The following LINC00305 variants were observed in gnomAD, a reference collection of about 807,000 sequenced individuals.
LINC00305 encodes long independently transcribed non-coding RNA 305, also known as long intergenic non-protein coding RNA 305.
chr18:64,142,986 A>G (rs2051471429), intron 1 of LINC00305, among the ~76,000 whole-genome samples: 1 of 152,190 alleles, frequency 6.6e-6, no homozygotes, highest in Non-Finnish European at 1.5e-5. Flanking sequence ...ATTATCATTA[A>G]TGGAAATAAA....
intron 1 of LINC00305, chr18:64,147,277 T>C: frequency 6.6e-6 from 1 of 152,234 alleles, no homozygotes; most frequent in East Asian, 1.9e-4. Flanking sequence ...ATGGGTGTGG[T>C]ATTTTTATGT....
In LINC00305 at chr18:64,115,492, T is replaced by A. The variant is rs192983640; in HGVS notation, n.315-16852A>T. On this transcript the variant is annotated intron_variant and non_coding_transcript_variant, in intron 1 of 3. Coordinates refer to ENST00000666468, the Ensembl canonical transcript of LINC00305. ...TGTGTGGGGAGGCTGCTTATGGGGG[T>A]AAGGTAGGAGGGGGAACGTGAGGGT... Among the ~76,000 whole-genome samples, 139 of 150,834 alleles carry A rather than the reference T, an allele frequency of 9.2e-4. 1 individual carries two copies. The highest frequency in any genetic ancestry group is 3.4e-3 in the African/African-American group (138 of 41,052).
intron 1 of LINC00305, among the ~76,000 whole-genome samples, chr18:64,119,346 A>C (rs2051351714): frequency 6.6e-6 from 1 of 152,164 alleles, no homozygotes; most frequent in Non-Finnish European, 1.5e-5. Flanking sequence ...AAGTGATTAA[A>C]TAGAAATTCT....
At chr18:64,098,103 C>T in intron 2 of LINC00305, 1 of 424,720 alleles carries the variant, frequency 2.4e-6, no homozygotes, top group Admixed American at 2.5e-5. Context: ...GCAAAGTTCT[C>T]TGACCAACAT....
intron 3 of LINC00305, among the ~76,000 whole-genome samples, chr18:64,089,778 G>A (rs376157606): frequency 3.9e-5 from 6 of 152,308 alleles, no homozygotes; most frequent in Admixed American, 2.0e-4. Flanking sequence ...GTCTTATATG[G>A]ATGGCAGCAA....
At chr18:64,100,080 C>T (rs1447818012) in intron 1 of LINC00305, among the ~76,000 whole-genome samples, 1 of 152,006 alleles carries the variant, frequency 6.6e-6, no homozygotes, top group Admixed American at 6.6e-5. Flanking sequence ...ACTTAATATC[C>T]AATTATTTTT....
intron 1 of LINC00305, among the ~76,000 whole-genome samples, chr18:64,126,348 T>TC (rs1242948964): frequency 1.3e-5 from 2 of 152,074 alleles, no homozygotes; most frequent in Admixed American, 6.6e-5. Context: ...GAACATACTT[T>TC]CTTAAAAAAA....
intron 1 of LINC00305, among the ~76,000 whole-genome samples, chr18:64,125,824 T>A (rs1006716719): frequency 6.6e-6 from 1 of 152,110 alleles, no homozygotes; most frequent in African/African-American, 2.4e-5. Flanking sequence ...AATGGATTAA[T>A]GCCATTATCA....
chr18:64,117,052 C>T (rs1233382709), intron 1 of LINC00305, among the ~76,000 whole-genome samples: 3 of 152,186 alleles, frequency 2.0e-5, no homozygotes, highest in African/African-American at 4.8e-5. Context: ...TGATTCGCCT[C>T]AGGCCCCTAG....
intron 1 of LINC00305, among the ~76,000 whole-genome samples, chr18:64,105,370 AG>A (rs2051285683): frequency 6.6e-6 from 1 of 152,130 alleles, no homozygotes; most frequent in Non-Finnish European, 1.5e-5. Context: ...CTGAGGTGGG[AG>A]GATCTCTTGA....
At chr18:64,087,336 C>G (rs1281014979) in intron 3 of LINC00305, among the ~76,000 whole-genome samples, 1 of 152,132 alleles carries the variant, frequency 6.6e-6, no homozygotes, top group African/African-American at 2.4e-5. Flanking sequence ...AAAATCCAAT[C>G]AAATTGGTTC....
At chr18:64,106,064 C>T (rs2051289288) in intron 1 of LINC00305, among the ~76,000 whole-genome samples, 1 of 152,232 alleles carries the variant, frequency 6.6e-6, no homozygotes, top group Non-Finnish European at 1.5e-5. Context: ...AATTTGTCAA[C>T]AGAGTTAGCC....
chr18:64,115,150 C>T (rs2051332244), intron 1 of LINC00305, among the ~76,000 whole-genome samples: 1 of 152,244 alleles, frequency 6.6e-6, no homozygotes, highest in Non-Finnish European at 1.5e-5. Flanking sequence ...TCCGCCTTAT[C>T]TTCAACCCAA....
intron 1 of LINC00305, chr18:64,098,754 C>T (rs781633839): frequency 9.2e-6 from 3 of 326,426 alleles, no homozygotes; most frequent in South Asian, 2.7e-5. Flanking sequence ...TGAATCAGTG[C>T]TCATCTAAAG....
intron 1 of LINC00305, among the ~76,000 whole-genome samples, chr18:64,121,069 C>T (rs778283822): frequency 6.6e-6 from 1 of 151,912 alleles, no homozygotes; most frequent in Non-Finnish European, 1.5e-5. Flanking sequence ...CATCTATTCC[C>T]CTCCAGTATA....
chr18:64,088,794 G>A (rs2051213887), intron 3 of LINC00305, among the ~76,000 whole-genome samples: 1 of 152,140 alleles, frequency 6.6e-6, no homozygotes, highest in East Asian at 1.9e-4. Context: ...ACCTCATCAG[G>A]AGAACAGAGC....
At chr18:64,085,079 C>T (rs2051198479) in intron 3 of LINC00305, among the ~76,000 whole-genome samples, 2 of 152,198 alleles carry the variant, frequency 1.3e-5, no homozygotes. Context: ...GGAGAGTTGA[C>T]TGTGATCACA....
At chr18:64,108,442 G>A (rs1256209693) in intron 1 of LINC00305, among the ~76,000 whole-genome samples, 2 of 152,124 alleles carry the variant, frequency 1.3e-5, no homozygotes, top group African/African-American at 4.8e-5. Flanking sequence ...GAAAACTCAG[G>A]TCAGAGAAGT....
chr18:64,140,042 T>A (rs2051454093), intron 1 of LINC00305, among the ~76,000 whole-genome samples: 1 of 152,090 alleles, frequency 6.6e-6, no homozygotes, highest in Admixed American at 6.5e-5. Flanking sequence ...AGACCTTGTA[T>A]CTGCTATTCC....
Sources: allele counts gnomAD v4.1 joint callset (sites outside exome capture counted in the v4.1 genomes callset), GRCh38; gene constraint gnomAD v4.1.1; transcripts MANE v1.5; gene names NCBI Gene and HGNC (gene_info 2026-07-23, HGNC 2026-07-21).